The following CDC42BPA variants were observed in gnomAD, a reference collection of about 807,000 sequenced individuals.
CDC42BPA encodes serine/threonine-protein kinase MRCK alpha.
Under a neutral mutation model 223.5 loss-of-function variants are expected in CDC42BPA, and 80 were observed. The ratio of observed to expected loss-of-function variants is 0.36; its 90% CI spans 0.30 to 0.43. The LOEUF (loss-of-function observed/expected upper bound fraction) is 0.43. CDC42BPA is among the 20% of genes least tolerant of loss of function. The pLI, the probability that CDC42BPA is intolerant of heterozygous loss-of-function variation, is 1.00. For missense variants in CDC42BPA, 1,743 were observed against 2,099.9 expected, an observed-to-expected ratio of 0.83 and a Z score of 3.32; for synonymous variants, 694 against 718.6, an observed-to-expected ratio of 0.97 and a Z score of 0.55.
chr1:227,302,374 G>A (rs1053924030), intron 1 of CDC42BPA, among the ~76,000 whole-genome samples: 6 of 151,976 alleles, frequency 3.9e-5, no homozygotes, highest in East Asian at 1.9e-4. Flanking sequence ...TCCTTATCCC[G>A]CCCTCATACT....
chr1:227,036,984 G>C (rs570615610), intron 24 of CDC42BPA, among the ~76,000 whole-genome samples: 34 of 152,114 alleles, frequency 2.2e-4, no homozygotes, highest in Non-Finnish European at 3.7e-4. Context: ...AGGGTCTGAA[G>C]AAAAGATAGG....
intron 2 of CDC42BPA, among the ~76,000 whole-genome samples, chr1:227,232,392 T>C (rs555676560): frequency 1.3e-5 from 2 of 152,288 alleles, no homozygotes; most frequent in African/African-American, 4.8e-5. Context: ...GCCTTGTGTA[T>C]AGTTTGAAGT....
intron 9 of CDC42BPA, among the ~76,000 whole-genome samples, chr1:227,141,148 C>A (rs866548215): frequency 6.6e-6 from 1 of 152,302 alleles, no homozygotes; most frequent in Middle Eastern, 3.4e-3. Flanking sequence ...TGTTGGTCAA[C>A]AGTGACATCG....
At position 227,139,910 on chromosome 1, in the gene CDC42BPA, G is replaced by A. The variant is rs572370296; in HGVS notation, c.1224-168C>T. On this transcript the variant is annotated intron_variant, in intron 9 of 36. Transcript: ENST00000366766. ...TGAATATCTTGCAGTTAGCCAGCTG[G>A]AATAATTATAAAAATTTGTTTGCAA... is the stretch of plus-strand genomic sequence containing the variant. Among the ~76,000 whole-genome samples, 121 of 152,160 alleles carry A rather than the reference G, an allele frequency of 8.0e-4. 1 individual carries two copies. The highest frequency in any genetic ancestry group is 1.1e-3 in the Non-Finnish European group (76 of 67,988).
At chr1:227,139,945 A>T (rs1659385690) in intron 9 of CDC42BPA, among the ~76,000 whole-genome samples, 1 of 152,192 alleles carries the variant, frequency 6.6e-6, no homozygotes, top group African/African-American at 2.4e-5. Context: ...AAATCACCAT[A>T]AACTGTTTTT....
At chr1:227,213,861 T>C (rs1674379625) in intron 2 of CDC42BPA, among the ~76,000 whole-genome samples, 1 of 152,162 alleles carries the variant, frequency 6.6e-6, no homozygotes. Context: ...GGAACATCTA[T>C]TTCTGTATTT....
chr1:227,252,689 C>G (rs1682231846), intron 2 of CDC42BPA, among the ~76,000 whole-genome samples: 1 of 152,098 alleles, frequency 6.6e-6, no homozygotes, highest in Non-Finnish European at 1.5e-5. Context: ...GGTAACATAT[C>G]ACAAGTCAGT....
chr1:227,283,450 C>T (rs1418405985), intron 1 of CDC42BPA, among the ~76,000 whole-genome samples: 1 of 152,102 alleles, frequency 6.6e-6, no homozygotes, highest in African/African-American at 2.4e-5. Context: ...ATTTACTACT[C>T]TCTCCACCTA....
At chr1:227,310,337 A>G (rs1267538091) in intron 1 of CDC42BPA, among the ~76,000 whole-genome samples, 2 of 152,158 alleles carry the variant, frequency 1.3e-5, no homozygotes, top group African/African-American at 4.8e-5. Flanking sequence ...TCCAGAACAC[A>G]CTTTGAAACT....
At chr1:227,069,609 T>G (rs970203583) in intron 21 of CDC42BPA, 168 bp downstream of exon 21, 5 of 473,204 alleles carry the variant, frequency 1.1e-5, no homozygotes, top group African/African-American at 1.0e-4. Flanking sequence ...GATTATAGTC[T>G]CCATAAGAAT....
intron 16 of CDC42BPA, among the ~76,000 whole-genome samples, chr1:227,089,913 A>G (rs1248611179): frequency 1.3e-5 from 2 of 152,182 alleles, no homozygotes; most frequent in African/African-American, 4.8e-5. Flanking sequence ...AAAATGTAAT[A>G]ACATCTTTTA....
intron 14 of CDC42BPA, among the ~76,000 whole-genome samples, chr1:227,104,084 TAA>T (rs1685495824): frequency 6.6e-6 from 1 of 152,232 alleles, no homozygotes; most frequent in Admixed American, 6.5e-5. Flanking sequence ...AGAAAAACAT[TAA>T]GACTACTAAA....
intron 35 of CDC42BPA, 99 bp downstream of exon 35, chr1:227,004,895 G>A (rs940182928): frequency 2.4e-6 from 2 of 838,230 alleles, no homozygotes. Flanking sequence ...AATGCAATGG[G>A]CACACGTAAG....
At chr1:227,288,456 T>C (rs1689151156) in intron 1 of CDC42BPA, among the ~76,000 whole-genome samples, 1 of 152,066 alleles carries the variant, frequency 6.6e-6, no homozygotes, top group South Asian at 2.1e-4. Context: ...CCTAGAACTT[T>C]GGGAGGCCAA....
At chr1:227,146,616 C>A (rs1275655082) in intron 7 of CDC42BPA, among the ~76,000 whole-genome samples, 5 of 152,076 alleles carry the variant, frequency 3.3e-5, no homozygotes, top group East Asian at 3.9e-4. Flanking sequence ...AACCTTTCTT[C>A]TTATTATTAT....
At chr1:227,256,989 A>ACACACACACACACACACACACAC (rs781287283) in intron 1 of CDC42BPA, among the ~76,000 whole-genome samples, 1 of 146,606 alleles carries the variant, frequency 6.8e-6, no homozygotes, top group African/African-American at 2.5e-5. Flanking sequence ...ACACACACAC[A>ACACACACACACACACACACACAC]CCAGTATGTT....
intron 1 of CDC42BPA, among the ~76,000 whole-genome samples, chr1:227,255,103 A>C (rs1682815839): frequency 6.6e-6 from 1 of 152,242 alleles, no homozygotes; most frequent in South Asian, 2.1e-4. Flanking sequence ...AAAATGTTTA[A>C]TGATTAGAGC....
chr1:227,266,195 A>G (rs760740144), intron 1 of CDC42BPA, among the ~76,000 whole-genome samples: 1 of 152,202 alleles, frequency 6.6e-6, no homozygotes, highest in Non-Finnish European at 1.5e-5. Context: ...TTGTTTGGTC[A>G]GGCATCTGTG....
intron 2 of CDC42BPA, among the ~76,000 whole-genome samples, chr1:227,240,719 A>G (rs1679870410): frequency 1.3e-5 from 2 of 151,934 alleles, no homozygotes; most frequent in African/African-American, 4.8e-5. Context: ...CTCAATGCCG[A>G]TATCACATCA....
Sources: allele counts gnomAD v4.1 joint callset (sites outside exome capture counted in the v4.1 genomes callset), GRCh38; gene constraint gnomAD v4.1.1; transcripts MANE v1.5; gene names NCBI Gene and HGNC (gene_info 2026-07-23, HGNC 2026-07-21).